VANGL1: variants seen among roughly 807,000 people sequenced by gnomAD.
VANGL1 encodes the protein vang-like protein 1.
Under a neutral mutation model 48.4 loss-of-function variants are expected in VANGL1, and 18 were observed. The observed-to-expected ratio is 0.37, with a 90% CI of 0.26 to 0.55. The LOEUF (loss-of-function observed/expected upper bound fraction) is 0.55. Ranked by LOEUF, VANGL1 falls within the 20% of genes least tolerant of loss-of-function variation. The pLI is 0.81. For synonymous variants in VANGL1, 257 were observed against 261.8 expected (o/e 0.98, Z 0.18); for missense variants, 667 against 675.8 (o/e 0.99, Z 0.14).
At chr1:115,654,015 G>A (rs1051167414) in intron 2 of VANGL1, among the ~76,000 whole-genome samples, 1 of 152,144 alleles carries the variant, frequency 6.6e-6, no homozygotes, top group African/African-American at 2.4e-5. Context: ...GGGCTGTGGT[G>A]TACTTTGCTG....
At chr1:115,689,594 C>G (rs1653757894) in intron 7 of VANGL1, among the ~76,000 whole-genome samples, 1 of 135,900 alleles carries the variant, frequency 7.4e-6, no homozygotes. Context: ...TGAGATCGTG[C>G]CATTGCACTC....
rs764242947 is a variant in VANGL1, at chr1:115,651,477, A to C, written c.64A>C (p.Arg22=). 1 of 1,613,936 alleles carries C rather than the reference A, an allele frequency of 6.2e-7. No individual in the cohort carries two copies. The highest frequency in any genetic ancestry group is 1.1e-5 in the South Asian group (1 of 91,076). Residue 22 remains arginine (R), a synonymous_variant, in exon 2 of 8, where the codon AGA becomes CGA. Transcript: ENST00000355485. ...TTCAAGTCATTCGAAAAAATCTCAC[A>C]GACAAGGGTATGTAAGTTGTTCATT... ...YYSSHSKKSH[R]QGERTRERHK...
intron 6 of VANGL1, among the ~76,000 whole-genome samples, chr1:115,684,938 C>A (rs1653537463): frequency 6.6e-6 from 1 of 152,106 alleles, no homozygotes; most frequent in South Asian, 2.1e-4. Context: ...CCTTTTATAG[C>A]CAGTCGGAGG....
At chr1:115,677,842 A>G (rs1225912175) in intron 4 of VANGL1, among the ~76,000 whole-genome samples, 1 of 152,162 alleles carries the variant, frequency 6.6e-6, no homozygotes, top group Non-Finnish European at 1.5e-5. Context: ...AATGGTGATA[A>G]CAGAGGGGGC....
At position 115,676,632 on chromosome 1, in the gene VANGL1, G is replaced by A. The variant is rs540487568; in HGVS notation, c.813-5732G>A. Among the ~76,000 whole-genome samples the A allele has an allele frequency of 1.6e-3, 239 of 152,340 alleles. 1 individual carries two copies. Among genetic ancestry groups the A allele is most frequent in the African/African-American group, 5.6e-3 (231 of 41,586 alleles). ...TGGTGGGTGAACTCCCAAGTCTCCAGTATTTTTCCTGGTATAAATGCCAAC... is the reference window on the plus strand; with the variant it reads ...TGGTGGGTGAACTCCCAAGTCTCCAATATTTTTCCTGGTATAAATGCCAAC... On this transcript the variant is annotated intron_variant, in intron 4 of 7. Transcript: ENST00000355485.
chr1:115,666,410 G>A (rs61800299), intron 4 of VANGL1, among the ~76,000 whole-genome samples: 11,419 of 152,188 alleles, frequency 0.075, 625 homozygotes, highest in East Asian at 0.23. Flanking sequence ...TGCCTGTGGC[G>A]TGTTCAGAAA....
rs563111223 is a variant in VANGL1, at chr1:115,663,655, C to A, written c.205-6C>A. 6.2e-7 allele frequency: 1 copy of A among 1,614,126 alleles called. No homozygotes were observed. ...CATGTCATCCTCACTGTCTTCTCCCCACCAGGATGACAACTGGGGAGAGAC... is the reference window on the plus strand; with the variant it reads ...CATGTCATCCTCACTGTCTTCTCCCAACCAGGATGACAACTGGGGAGAGAC... On this transcript the variant is annotated splice_region_variant and splice_polypyrimidine_tract_variant and intron_variant, in intron 3 of 7. Coordinates refer to ENST00000355485, the MANE Select transcript of VANGL1 (RefSeq NM_138959.3).
At chr1:115,647,739 G>A (rs1651992908) in intron 1 of VANGL1, among the ~76,000 whole-genome samples, 1 of 152,202 alleles carries the variant, frequency 6.6e-6, no homozygotes, top group Non-Finnish European at 1.5e-5. Flanking sequence ...CAGAGAGGGT[G>A]TTGAAGGTGG....
At chr1:115,654,933 G>A (rs991465829) in intron 2 of VANGL1, among the ~76,000 whole-genome samples, 6 of 152,198 alleles carry the variant, frequency 3.9e-5, no homozygotes, top group African/African-American at 1.4e-4. Flanking sequence ...AAGTTAGTAG[G>A]TGCCCTCAGC....
At chr1:115,679,845 G>A (rs1216614046) in intron 4 of VANGL1, among the ~76,000 whole-genome samples, 2 of 152,104 alleles carry the variant, frequency 1.3e-5, no homozygotes, top group Admixed American at 6.6e-5. Context: ...GGAGGAGGGG[G>A]GATGAAGTGA....
intron 4 of VANGL1, among the ~76,000 whole-genome samples, chr1:115,679,586 G>A (rs1207645100): frequency 2.0e-5 from 3 of 152,338 alleles, no homozygotes; most frequent in African/African-American, 7.2e-5. Context: ...CAGGGTGGAG[G>A]GTGAGAGACA....
At position 115,691,552 on chromosome 1, in the gene VANGL1, C is replaced by T. The variant is rs1653838677; in HGVS notation, c.*173C>T. The T allele has an allele frequency of 1.4e-6, 1 of 704,026 alleles. No individual in the cohort carries two copies. 43.6% of individuals were successfully genotyped at this position (704,026 alleles called of 1,614,324 possible). On this transcript the variant is annotated 3_prime_UTR_variant, in exon 8 of 8. Coordinates refer to ENST00000355485, the MANE Select transcript of VANGL1 (RefSeq NM_138959.3). ...CACTTTATTTGGAAGGAAGCAGGGG[C>T]TGTCCACCCTGAAAAAGAGTGACTG...
At position 115,659,505 on chromosome 1, in the gene VANGL1, CTGTGTGTGTGTGTG is replaced by C. The variant is rs58894569; in HGVS notation, c.72-114_72-101del. 256 of 958,936 alleles carry C rather than the reference CTGTGTGTGTGTGTG, an allele frequency of 2.7e-4. 1 individual carries two copies. In the African/African-American group the frequency reaches 3.1e-3, roughly 12 times the overall value. 59.4% of individuals were successfully genotyped at this position (958,936 alleles called of 1,614,324 possible). On this transcript the variant is annotated intron_variant, in intron 2 of 7. Transcript: ENST00000355485. ...GTGAAGATGGGTGGGTTTTGATGCTCTGTGTGTGTGTGTGTGTGTGTGTGTGTGTGTGTGTATGT... is the reference window on the plus strand; with the variant it reads ...GTGAAGATGGGTGGGTTTTGATGCTCTGTGTGTGTGTGTGTGTGTGTATGT...
intron 7 of VANGL1, among the ~76,000 whole-genome samples, chr1:115,688,397 C>G (rs996483041): frequency 7.2e-6 from 1 of 139,004 alleles, no homozygotes; most frequent in East Asian, 2.0e-4. Flanking sequence ...GAGCCATGCC[C>G]TGTTATTTAT....
rs768777170 is a variant in VANGL1 at position 115,685,511 on chromosome 1, A to G, written c.1298A>G (p.Asn433Ser). 1 of 1,614,010 alleles carries G rather than the reference A, an allele frequency of 6.2e-7. No homozygotes were observed. Residue 433 changes from asparagine (N) to serine (S), a missense_variant, in exon 7 of 8, where the codon AAC (asparagine) becomes AGC (serine). Coordinates refer to ENST00000355485, the MANE Select transcript of VANGL1 (RefSeq NM_138959.3). ...ILQHLAFCIT[N>S]GMTPKAFLER... Reference sequence around the variant, plus strand: ...CAGCACCTGGCCTTCTGCATCACCAACGGCATGACCCCCAAGGTGCGCTGC... The same window carrying G: ...CAGCACCTGGCCTTCTGCATCACCAGCGGCATGACCCCCAAGGTGCGCTGC...
At chr1:115,690,761 A>G (rs752184646) in intron 7 of VANGL1, among the ~76,000 whole-genome samples, 2 of 152,244 alleles carry the variant, frequency 1.3e-5, no homozygotes, top group Non-Finnish European at 2.9e-5. Flanking sequence ...GGAGGAAGAC[A>G]TGGAGAAACA....
chr1:115,652,909 C>T (rs767102258), intron 2 of VANGL1, among the ~76,000 whole-genome samples: 1 of 152,040 alleles, frequency 6.6e-6, no homozygotes, highest in Non-Finnish European at 1.5e-5. Context: ...TGTACTTGTT[C>T]AATTTTTTTT....
intron 2 of VANGL1, among the ~76,000 whole-genome samples, chr1:115,655,013 C>T (rs951651809): frequency 6.6e-6 from 1 of 152,154 alleles, no homozygotes. Context: ...AAGGGTGACT[C>T]ATGTGATTGA....
At chr1:115,674,584 G>A (rs1485227316) in intron 4 of VANGL1, among the ~76,000 whole-genome samples, 3 of 152,182 alleles carry the variant, frequency 2.0e-5, no homozygotes, top group Non-Finnish European at 4.4e-5. Flanking sequence ...ATGTACCTAG[G>A]TAATAAGAAG....
Sources: allele counts gnomAD v4.1 joint callset (sites outside exome capture counted in the v4.1 genomes callset), GRCh38; gene constraint gnomAD v4.1.1; transcripts MANE v1.5; gene names NCBI Gene and HGNC (gene_info 2026-07-23, HGNC 2026-07-21).